EPHB1: variants seen among roughly 807,000 people sequenced by gnomAD.
The protein encoded by EPHB1 is ephrin type-B receptor 1.
Under a neutral mutation model 94.4 loss-of-function variants are expected in EPHB1, and 30 were observed. The ratio of observed to expected loss-of-function variants is 0.32; its 90% CI spans 0.24 to 0.43. The LOEUF is 0.43. EPHB1 is among the 20% of genes least tolerant of loss of function. The probability of loss-of-function intolerance (pLI) is 1.00; values close to 1 mark genes in which losing one functional copy is unlikely to be tolerated. For missense variants in EPHB1, 1,055 were observed against 1,308.3 expected (o/e 0.81, Z 2.99); for synonymous variants, 522 against 489.1 (o/e 1.07, Z -0.89).
intron 4 of EPHB1, among the ~76,000 whole-genome samples, chr3:135,112,049 G>T (rs1939468747): frequency 6.6e-6 from 1 of 152,254 alleles, no homozygotes; most frequent in Admixed American, 6.5e-5. Flanking sequence ...GCTGGGAGCA[G>T]TGACCAGGGA....
intron 1 of EPHB1, among the ~76,000 whole-genome samples, chr3:134,902,148 G>A (rs565699623): frequency 9.8e-5 from 15 of 152,318 alleles, no homozygotes; most frequent in Admixed American, 9.8e-4. Flanking sequence ...GAAAGGGGGC[G>A]AGACAGTAGT....
intron 1 of EPHB1, among the ~76,000 whole-genome samples, chr3:134,882,822 C>CTTTCT (rs1192281785): frequency 8.4e-5 from 2 of 23,842 alleles, no homozygotes; most frequent in African/African-American, 1.7e-4. Context: ...TTCTTTCTTT[C>CTTTCT]TTTTCTTTCT....
At chr3:135,151,116 G>A (rs1941179432) in intron 5 of EPHB1, among the ~76,000 whole-genome samples, 1 of 152,208 alleles carries the variant, frequency 6.6e-6, no homozygotes, top group Non-Finnish European at 1.5e-5. Flanking sequence ...TATTACTACA[G>A]CAGTGCTGTG....
At chr3:135,166,276 T>C (rs1348639556) in intron 8 of EPHB1, among the ~76,000 whole-genome samples, 200 bp downstream of exon 8, 1 of 152,230 alleles carries the variant, frequency 6.6e-6, no homozygotes, top group Non-Finnish European at 1.5e-5. Context: ...GGCAAGGCTA[T>C]GAGTAAACAG....
intron 1 of EPHB1, among the ~76,000 whole-genome samples, chr3:134,807,894 T>C (rs535588230): frequency 6.6e-6 from 1 of 152,036 alleles, no homozygotes; most frequent in Admixed American, 6.6e-5. Flanking sequence ...CACAGAGAAA[T>C]GCAGCTGCTG....
At chr3:135,059,968 G>A (rs1172794407) in intron 3 of EPHB1, among the ~76,000 whole-genome samples, 1 of 152,222 alleles carries the variant, frequency 6.6e-6, no homozygotes, top group Non-Finnish European at 1.5e-5. Context: ...GAGAACCAGA[G>A]TCAAGGCCAG....
At position 135,132,848 on chromosome 3, in the gene EPHB1, G is replaced by C. The variant is rs1250202947; in HGVS notation, c.1096G>C (p.Asp366His). The change falls in exon 5 of 16, where the codon GAC (aspartate) becomes CAC (histidine). Residue 366 changes from aspartate (D) to histidine (H), a missense_variant. Transcript: ENST00000398015. ...YNIICKKCRA[D>H]RRSCSRCDDN... ...CATCATCTGCAAAAAGTGCCGGGCA[G>C]ACCGCCGGAGCTGCTCCCGCTGTGA... is the stretch of plus-strand genomic sequence containing the variant. The C allele has an allele frequency of 6.2e-7, 1 of 1,614,060 alleles. No individual in the cohort carries two copies. Among genetic ancestry groups the C allele is most frequent in the Non-Finnish European group, 8.5e-7 (1 of 1,179,898 alleles).
intron 3 of EPHB1, among the ~76,000 whole-genome samples, chr3:134,982,460 G>C (rs1294059556): frequency 6.6e-6 from 1 of 152,184 alleles, no homozygotes; most frequent in Non-Finnish European, 1.5e-5. Context: ...TGCGTGAGAA[G>C]GCAGGCAAAT....
rs573772472 is a variant in EPHB1 at position 135,034,374 on chromosome 3, A to C, written c.806-72074A>C. 5.5e-4 allele frequency among the ~76,000 whole-genome samples: 84 copies of C among 152,242 alleles called. 1 individual carries two copies. Among genetic ancestry groups the C allele is most frequent in the Middle Eastern group, 3.4e-3 (1 of 294 alleles). ...GGAGGGCAAGGGGCAGGCAGACTTC[A>C]AAGTACAGCTGGGTCTGCCTTGGAG... On this transcript the variant is annotated intron_variant, in intron 3 of 15. Coordinates refer to ENST00000398015, the MANE Select transcript of EPHB1 (RefSeq NM_004441.5).
At chr3:134,989,512 CA>C (rs1934718776) in intron 3 of EPHB1, among the ~76,000 whole-genome samples, 1 of 151,958 alleles carries the variant, frequency 6.6e-6, no homozygotes, top group Non-Finnish European at 1.5e-5. Flanking sequence ...CACACACACA[CA>C]CACACACATA....
intron 4 of EPHB1, among the ~76,000 whole-genome samples, chr3:135,124,321 C>T (rs1404381919): frequency 4.0e-5 from 6 of 151,740 alleles, no homozygotes; most frequent in Non-Finnish European, 5.9e-5. Flanking sequence ...CCTCCTCCTT[C>T]TCTGTGTATC....
At chr3:135,117,477 G>T (rs770060121) in intron 4 of EPHB1, among the ~76,000 whole-genome samples, 6 of 152,174 alleles carry the variant, frequency 3.9e-5, no homozygotes, top group Admixed American at 1.3e-4. Flanking sequence ...AGAGCAGTCT[G>T]CAGTCTGAAG....
At chr3:134,942,472 G>A (rs932403809) in intron 2 of EPHB1, among the ~76,000 whole-genome samples, 2 of 152,214 alleles carry the variant, frequency 1.3e-5, no homozygotes, top group Non-Finnish European at 2.9e-5. Flanking sequence ...AAACAAAATG[G>A]AGAGGGCAGA....
Position 135,192,768 on chromosome 3 carries a change from C to G in EPHB1, c.2075C>G (p.Pro692Arg), listed in dbSNP as rs764026044. ...GAGGGTGTGGTCACCAAGAGTCGGC[C>G]TGTCATGATCATCACAGAGTTCATG... is the stretch of plus-strand genomic sequence containing the variant. ...RLEGVVTKSR[P>R]VMIITEFMEN... Residue 692 changes from proline to arginine, a missense_variant, in exon 11 of 16, where the codon CCT becomes CGT. Physicochemically the swap from Pro to Arg is moderately radical, Grantham distance 103. Transcript: ENST00000398015. 25 of 1,614,056 alleles carry G rather than the reference C, an allele frequency of 1.5e-5. No individual in the cohort carries two copies. Among genetic ancestry groups the G allele is most frequent in the Non-Finnish European group, 2.0e-5 (24 of 1,180,030 alleles).
intron 3 of EPHB1, among the ~76,000 whole-genome samples, chr3:135,047,482 C>T (rs192655610): frequency 2.0e-5 from 3 of 152,260 alleles, no homozygotes; most frequent in Admixed American, 6.5e-5. Context: ...GGAAAAGCAT[C>T]GAACTGCACA....
At chr3:135,174,952 G>T (rs1203384167) in intron 9 of EPHB1, among the ~76,000 whole-genome samples, 1 of 152,140 alleles carries the variant, frequency 6.6e-6, no homozygotes, top group Non-Finnish European at 1.5e-5. Context: ...TCCACCAGCT[G>T]GGAAGTGCCA....
At chr3:134,958,668 C>T (rs1578230959) in intron 3 of EPHB1, among the ~76,000 whole-genome samples, 1 of 152,188 alleles carries the variant, frequency 6.6e-6, no homozygotes, top group Non-Finnish European at 1.5e-5. Flanking sequence ...CAACAGGCTA[C>T]TTCATTTAGA....
chr3:135,148,290 G>C (rs1559851365), intron 5 of EPHB1, among the ~76,000 whole-genome samples: 2 of 152,202 alleles, frequency 1.3e-5, no homozygotes. Context: ...AACTGAGTCG[G>C]TAACTAAATT....
Position 135,259,070 on chromosome 3 carries a change from A to T in EPHB1, c.2905A>T (p.Ile969Phe). The T allele has an allele frequency of 6.2e-7, 1 of 1,610,986 alleles. No individual in the cohort carries two copies. Among genetic ancestry groups the T allele is most frequent in the Non-Finnish European group, 8.5e-7 (1 of 1,178,788 alleles). The change falls in exon 16 of 16, where the codon ATT (isoleucine) becomes TTT (phenylalanine). Residue 969 changes from isoleucine to phenylalanine, a missense_variant. Transcript: ENST00000398015. ...AGHQKKILNS[I>F]HSMRVQISQS... is the part of the protein sequence containing the mutation. ...CCATCAGAAGAAGATCCTGAACAGC[A>T]TTCATTCTATGAGGGTCCAGATAAG... is the stretch of plus-strand genomic sequence containing the variant.
Sources: allele counts gnomAD v4.1 joint callset (sites outside exome capture counted in the v4.1 genomes callset), GRCh38; gene constraint gnomAD v4.1.1; transcripts MANE v1.5; gene names NCBI Gene and HGNC (gene_info 2026-07-23, HGNC 2026-07-21).